Variants in CTNNA3 observed in about 807,000 individuals in gnomAD.
The protein encoded by CTNNA3 is catenin alpha 3.
A neutral mutation model predicts 95.7 loss-of-function variants in CTNNA3; 76 were observed. The ratio of observed to expected loss-of-function variants is 0.79; its 90% CI spans 0.66 to 0.96. The LOEUF is 0.96. CTNNA3 is among the 40% of genes least tolerant of loss of function. CTNNA3 has a pLI of 0.00. For synonymous variants in CTNNA3, 431 were observed against 374.4 expected (o/e 1.15, Z -1.74); for missense variants, 1,191 against 1,089.8 (o/e 1.09, Z -1.31).
At chr10:66,014,581 G>T (rs141319234) in intron 15 of CTNNA3, among the ~76,000 whole-genome samples, 127 of 152,080 alleles carry the variant, frequency 8.4e-4, no homozygotes, top group African/African-American at 3.0e-3. Flanking sequence ...TGTGTTTTTG[G>T]TCTAGTATAA....
intron 2 of CTNNA3, among the ~76,000 whole-genome samples, chr10:67,625,485 C>G (rs1838922011): frequency 6.6e-6 from 1 of 152,166 alleles, no homozygotes; most frequent in South Asian, 2.1e-4. Context: ...TAGTCTAAAC[C>G]TGGAAAGCTA....
intron 5 of CTNNA3, among the ~76,000 whole-genome samples, chr10:67,382,497 A>C (rs1843984866): frequency 6.6e-6 from 1 of 152,214 alleles, no homozygotes; most frequent in South Asian, 2.1e-4. Context: ...GAAAAATATA[A>C]TATGTATTTG....
chr10:67,165,554 A>T (rs760257689), intron 7 of CTNNA3, among the ~76,000 whole-genome samples: 4 of 152,228 alleles, frequency 2.6e-5, no homozygotes, highest in Non-Finnish European at 5.9e-5. Flanking sequence ...ATAGTTACAC[A>T]TGATGCAACC....
chr10:66,303,098 A>G (rs1471145990), intron 12 of CTNNA3, among the ~76,000 whole-genome samples: 4 of 152,198 alleles, frequency 2.6e-5, no homozygotes, highest in Admixed American at 6.5e-5. Flanking sequence ...CGCAAACGTG[A>G]TATTCAAATG....
intron 7 of CTNNA3, among the ~76,000 whole-genome samples, chr10:66,970,796 A>G (rs939134342): frequency 3.2e-4 from 49 of 152,196 alleles, no homozygotes; most frequent in Admixed American, 3.1e-3. Flanking sequence ...GAATTATACC[A>G]AAAAAGAGAC....
rs569417752 is a variant in CTNNA3 at position 66,664,649 on chromosome 10, C to T, written c.1282-42865G>A. On this transcript the variant is annotated intron_variant, in intron 9 of 17. Transcript: ENST00000433211. ...TGACTGGAATCATCTAGGTATGTTC[C>T]GTCTCTCCTACTCTTCCTGGTAGGG... 1.5e-3 allele frequency among the ~76,000 whole-genome samples: 221 copies of T among 152,002 alleles called. 2 individuals are homozygous for T. In the South Asian group the frequency reaches 0.025, roughly 17 times the overall value.
intron 7 of CTNNA3, among the ~76,000 whole-genome samples, chr10:66,924,175 GT>G (rs2132611037): frequency 6.6e-6 from 1 of 152,284 alleles, no homozygotes; most frequent in South Asian, 2.1e-4. Flanking sequence ...CTCACTGGAT[GT>G]TTCATGTGCA....
chr10:66,891,849 T>C (rs1243535487), intron 7 of CTNNA3, among the ~76,000 whole-genome samples: 1 of 152,148 alleles, frequency 6.6e-6, no homozygotes. Flanking sequence ...TAGAAATCTC[T>C]TAATGCCTAT....
chr10:67,727,139 T>G (rs1260165550), intron 1 of CTNNA3, among the ~76,000 whole-genome samples: 1 of 122,604 alleles, frequency 8.2e-6, no homozygotes, highest in Non-Finnish European at 1.6e-5. Flanking sequence ...TAATATATGA[T>G]ACATATATTA....
chr10:67,348,225 A>G (rs1842505563), intron 5 of CTNNA3, among the ~76,000 whole-genome samples: 1 of 152,336 alleles, frequency 6.6e-6, no homozygotes, highest in African/African-American at 2.4e-5. Flanking sequence ...AATCTTCATG[A>G]CCTTGGTCTT....
At chr10:66,764,348 T>C (rs1194957730) in intron 9 of CTNNA3, among the ~76,000 whole-genome samples, 1 of 152,150 alleles carries the variant, frequency 6.6e-6, no homozygotes, top group African/African-American at 2.4e-5. Context: ...CATTCCCAAG[T>C]GTTCCTCGAA....
chr10:66,440,894 T>A (rs1248126340), intron 11 of CTNNA3, among the ~76,000 whole-genome samples: 1 of 152,212 alleles, frequency 6.6e-6, no homozygotes, highest in African/African-American at 2.4e-5. Flanking sequence ...TGTCTGTTTC[T>A]CTAAGTAGAT....
At chr10:67,699,954 G>C (rs965278172), upstream of CTNNA3, among the ~76,000 whole-genome samples, 3 of 152,218 alleles carry the variant, frequency 2.0e-5, no homozygotes, top group African/African-American at 7.2e-5. Context: ...TTAAAAGACA[G>C]CGCACCAGGA....
intron 7 of CTNNA3, among the ~76,000 whole-genome samples, chr10:67,168,314 A>T (rs1367645225): frequency 6.6e-6 from 1 of 152,098 alleles, no homozygotes; most frequent in East Asian, 1.9e-4. Flanking sequence ...ACCAAAACCT[A>T]GCAGAGACAC....
intron 16 of CTNNA3, among the ~76,000 whole-genome samples, chr10:65,985,044 G>T (rs2078399853): frequency 6.6e-6 from 1 of 150,860 alleles, no homozygotes. Flanking sequence ...AAAGACATAT[G>T]TTCTTTATTA....
At chr10:66,777,791 A>ATG (rs1564676517) in intron 7 of CTNNA3, among the ~76,000 whole-genome samples, 99 of 115,924 alleles carry the variant, frequency 8.5e-4, no homozygotes, top group African/African-American at 2.2e-3. Context: ...ACACACACAC[A>ATG]CACACATGCA....
chr10:66,036,973 C>T (rs1258149037), intron 15 of CTNNA3, among the ~76,000 whole-genome samples: 7 of 147,208 alleles, frequency 4.8e-5, no homozygotes, highest in African/African-American at 1.3e-4. Flanking sequence ...CGTGGGTTCA[C>T]GCCATTCTCC....
At chr10:67,103,316 T>G (rs1036124708) in intron 7 of CTNNA3, among the ~76,000 whole-genome samples, 3 of 151,840 alleles carry the variant, frequency 2.0e-5, no homozygotes, top group African/African-American at 7.2e-5. Context: ...AAAAGACAAC[T>G]ATATATAAAA....
At chr10:67,406,590 G>A (rs9415879) in intron 5 of CTNNA3, among the ~76,000 whole-genome samples, 46,318 of 151,684 alleles carry the variant, frequency 0.31, 8,497 homozygotes, top group Middle Eastern at 0.54. Flanking sequence ...AACTAAAGGA[G>A]ATAGAAACAT....
Sources: allele counts gnomAD v4.1 joint callset (sites outside exome capture counted in the v4.1 genomes callset), GRCh38; gene constraint gnomAD v4.1.1; transcripts MANE v1.5; gene names NCBI Gene and HGNC (gene_info 2026-07-23, HGNC 2026-07-21).